CAST: variants seen among roughly 807,000 people sequenced by gnomAD.
The protein encoded by CAST is MIR583 host.
A neutral mutation model predicts 119.6 loss-of-function variants in CAST; 76 were observed. The observed-to-expected ratio is 0.64, with a 90% CI of 0.53 to 0.77. The LOEUF is 0.77. CAST is among the 30% of genes least tolerant of loss of function. The pLI, the probability that CAST is intolerant of heterozygous loss-of-function variation, is 0.00. For synonymous variants in CAST, 319 were observed against 331.6 expected, an observed-to-expected ratio of 0.96 and a Z score of 0.41; for missense variants, 953 against 946.5, an observed-to-expected ratio of 1.01 and a Z score of -0.09.
the CAST span, among the ~76,000 whole-genome samples, chr5:96,309,291 A>G: frequency 2.6e-5 from 4 of 152,206 alleles, no homozygotes; most frequent in Admixed American, 1.3e-4. Context: ...GCAATGGTGG[A>G]TACCCTTCTC....
the CAST span, among the ~76,000 whole-genome samples, chr5:96,468,179 G>A: frequency 5.6e-3 from 857 of 152,156 alleles, 9 homozygotes; most frequent in Non-Finnish European, 7.9e-3. Flanking sequence ...GCTGAGCTAT[G>A]GGTACACAAA....
the CAST span, among the ~76,000 whole-genome samples, chr5:96,283,531 G>A: frequency 6.6e-6 from 1 of 152,154 alleles, no homozygotes; most frequent in African/African-American, 2.4e-5. Flanking sequence ...ACTTTGATTG[G>A]CAAGTCTCAT....
chr5:96,766,951 A>T (rs1706695657), intron 27 of CAST, among the ~76,000 whole-genome samples: 2 of 152,180 alleles, frequency 1.3e-5, no homozygotes, highest in Non-Finnish European at 2.9e-5. Flanking sequence ...ATTCCTCAAG[A>T]TAGCAATTCC....
At chr5:96,402,080 T>A in the CAST span, among the ~76,000 whole-genome samples, 27 of 152,188 alleles carry the variant, frequency 1.8e-4, 1 homozygote, top group African/African-American at 6.3e-4. Context: ...AGAACAATCA[T>A]CAGGGGAGTC....
the CAST span, among the ~76,000 whole-genome samples, chr5:96,170,608 C>A: frequency 6.6e-6 from 1 of 152,108 alleles, no homozygotes; most frequent in Admixed American, 6.5e-5. Context: ...TAACAAAGTG[C>A]ATATTGAGAC....
intron 1 of CAST, among the ~76,000 whole-genome samples, chr5:96,575,113 T>C (rs1202677150): frequency 6.6e-6 from 1 of 152,178 alleles, no homozygotes; most frequent in Non-Finnish European, 1.5e-5. Context: ...TTTCAAGATA[T>C]AGATCCTATA....
At chr5:96,227,107 A>C in the CAST span, among the ~76,000 whole-genome samples, 2 of 152,188 alleles carry the variant, frequency 1.3e-5, no homozygotes, top group Non-Finnish European at 2.9e-5. Context: ...TAATGTCAGA[A>C]CACACAGTTT....
chr5:96,043,566 A>G, the CAST span, among the ~76,000 whole-genome samples: 2 of 152,156 alleles, frequency 1.3e-5, no homozygotes, highest in Admixed American at 1.3e-4. Context: ...TCTTTTATCT[A>G]ACTGCCTCCC....
chr5:96,368,265 C>T, the CAST span, among the ~76,000 whole-genome samples: 2 of 151,990 alleles, frequency 1.3e-5, no homozygotes, highest in East Asian at 3.9e-4. Context: ...TTTGGGTGGC[C>T]AATGCGGGTG....
the CAST span, among the ~76,000 whole-genome samples, chr5:96,232,173 AAAATTG>A: frequency 1.3e-5 from 2 of 152,162 alleles, no homozygotes; most frequent in Non-Finnish European, 2.9e-5. Flanking sequence ...ATACTTACAA[AAAATTG>A]AAATTGATCA....
the CAST span, among the ~76,000 whole-genome samples, chr5:96,413,961 T>C: frequency 7.9e-5 from 1 of 12,618 alleles, no homozygotes; most frequent in African/African-American, 4.4e-4. Flanking sequence ...CCACTAAAAA[T>C]ACAAAAAAAA....
the CAST span, among the ~76,000 whole-genome samples, chr5:96,337,260 A>C: frequency 5.9e-5 from 9 of 152,118 alleles, no homozygotes; most frequent in African/African-American, 1.7e-4. Flanking sequence ...GCTCTGACCC[A>C]AACCCCTTTT....
intron 3 of CAST, among the ~76,000 whole-genome samples, chr5:96,698,153 GT>G (rs1753515450): frequency 6.6e-6 from 1 of 152,104 alleles, no homozygotes; most frequent in Non-Finnish European, 1.5e-5. Context: ...ACCACACCCA[GT>G]TTTTTCTTGA....
chr5:96,353,685 T>C, the CAST span, among the ~76,000 whole-genome samples: 1 of 152,234 alleles, frequency 6.6e-6, no homozygotes, highest in Non-Finnish European at 1.5e-5. Context: ...GCAGTGCTTC[T>C]GGCTCTCAGG....
intron 13 of CAST, 59 bp from the exon 14 acceptor site, chr5:96,741,207 T>G: frequency 1.1e-6 from 1 of 899,942 alleles, no homozygotes; most frequent in Non-Finnish European, 1.8e-6. Context: ...AGGTTTATGA[T>G]CCATTCTTCC....
chr5:96,024,988 C>T, the CAST span, among the ~76,000 whole-genome samples: 20 of 152,152 alleles, frequency 1.3e-4, no homozygotes, highest in African/African-American at 4.3e-4. Context: ...CACATTAACA[C>T]GTTTTTCTGC....
the CAST span, among the ~76,000 whole-genome samples, chr5:96,366,684 C>T: frequency 6.6e-6 from 1 of 152,182 alleles, no homozygotes; most frequent in South Asian, 2.1e-4. Flanking sequence ...TCCATCAGGT[C>T]ATTTAAGTAC....
the CAST span, among the ~76,000 whole-genome samples, chr5:96,118,712 A>C: frequency 2.0e-5 from 3 of 151,896 alleles, no homozygotes; most frequent in African/African-American, 7.3e-5. Flanking sequence ...AATCCATCTA[A>C]AAGAACTAGG....
chr5:96,247,540 G>A, the CAST span, among the ~76,000 whole-genome samples: 1 of 152,244 alleles, frequency 6.6e-6, no homozygotes, highest in Non-Finnish European at 1.5e-5. Context: ...AAACTGGAGA[G>A]AAAAGAAGCA....
Sources: allele counts gnomAD v4.1 joint callset (sites outside exome capture counted in the v4.1 genomes callset), GRCh38; gene constraint gnomAD v4.1.1; transcripts MANE v1.5; gene names NCBI Gene and HGNC (gene_info 2026-07-23, HGNC 2026-07-21).